Variants in ADH1B observed in about 807,000 individuals in gnomAD.
ADH1B encodes alcohol dehydrogenase 1B (class I), beta polypeptide, also known as all-trans-retinol dehydrogenase [NAD(+)] ADH1B.
In ADH1B, 29 loss-of-function variants were observed where a neutral mutation model predicts 34.6. That is an observed-to-expected ratio of 0.84 (90% CI 0.62 to 1.14). ADH1B has a LOEUF of 1.14. ADH1B is among the 50% of genes most tolerant of loss of function. The pLI is 0.00. For synonymous variants in ADH1B, 170 were observed against 175.5 expected, an observed-to-expected ratio of 0.97 and a Z score of 0.25; for missense variants, 424 against 468.4, an observed-to-expected ratio of 0.91 and a Z score of 0.87.
intron 8 of ADH1B, among the ~76,000 whole-genome samples, chr4:99,309,782 C>G (rs527847171): frequency 6.6e-6 from 1 of 152,220 alleles, no homozygotes; most frequent in East Asian, 1.9e-4. Context: ...GTCTCAGTTT[C>G]TGTTCTCTAA....
At chr4:99,316,799 A>AAAG (rs1733896841) in intron 3 of ADH1B, 1 of 152,022 alleles carries the variant, frequency 6.6e-6, no homozygotes, top group Non-Finnish European at 1.5e-5. Context: ...CAAAGTGACT[A>AAAG]TGCTTATCTT....
intron 1 of ADH1B, chr4:99,320,746 A>T (rs972814662): frequency 1.9e-5 from 20 of 1,079,256 alleles, no homozygotes; most frequent in Non-Finnish European, 2.0e-5. Context: ...ATTGTATCAT[A>T]ATGGACCCCT....
At chr4:99,316,995 A>G (rs1157717963) in intron 3 of ADH1B, 3 of 152,182 alleles carry the variant, frequency 2.0e-5, no homozygotes, top group South Asian at 2.1e-4. Flanking sequence ...CGAATTATCT[A>G]CTTTTCCTGT....
intron 5 of ADH1B, 150 bp downstream of exon 5, chr4:99,315,748 G>C: frequency 1.2e-6 from 1 of 866,674 alleles, no homozygotes. Context: ...TTTCTAGCAT[G>C]TGTACTCAAT....
At position 99,321,377 on chromosome 4, in the gene ADH1B, G is replaced by A; in HGVS notation, c.-46C>T. Reference sequence around the variant, plus strand: ...CCACCAGCAGACTGTGAGTCTTTGTGGATTTCTTCTCTGCTTGAGTGCATA... The same window carrying A: ...CCACCAGCAGACTGTGAGTCTTTGTAGATTTCTTCTCTGCTTGAGTGCATA... On this transcript the variant is annotated 5_prime_UTR_variant, in exon 1 of 9. Coordinates refer to ENST00000305046, the MANE Select transcript of ADH1B (RefSeq NM_000668.6). 2 of 1,601,158 alleles carry A rather than the reference G, an allele frequency of 1.2e-6. No homozygotes were observed. Among genetic ancestry groups the A allele is most frequent in the Non-Finnish European group, 1.7e-6 (2 of 1,170,274 alleles).
At position 99,313,996 on chromosome 4, in the gene ADH1B, G is replaced by T; in HGVS notation, c.653C>A (p.Ala218Asp). The T allele has an allele frequency of 6.2e-7, 1 of 1,614,126 alleles. No homozygotes were observed. Among genetic ancestry groups the T allele is most frequent in the Non-Finnish European group, 8.5e-7 (1 of 1,180,024 alleles). Reference protein sequence around the residue: ...AVMGCKAAGAARIIAVDINKD... With the variant: ...AVMGCKAAGADRIIAVDINKD... ...GTTGATGTCCACCGCAATGATTCTGGCTGCTCCAGCTGCTTTACAGCCCAT... is the reference window on the plus strand; with the variant it reads ...GTTGATGTCCACCGCAATGATTCTGTCTGCTCCAGCTGCTTTACAGCCCAT... The change falls in exon 6 of 9, where the codon GCC (alanine) becomes GAC (aspartate). Residue 218 changes from alanine to aspartate, a missense_variant. Physicochemically the swap from Ala to Asp is moderately radical, Grantham distance 126. Coordinates refer to ENST00000305046, the MANE Select transcript of ADH1B (RefSeq NM_000668.6).
At chr4:99,315,723 A>G in intron 5 of ADH1B, 175 bp downstream of exon 5, 1 of 742,498 alleles carries the variant, frequency 1.3e-6, no homozygotes, top group Non-Finnish European at 2.2e-6. Flanking sequence ...TTTTATCTGC[A>G]ATAAATTGGT....
At chr4:99,308,962 TATA>T (rs1353659046) in intron 8 of ADH1B, among the ~76,000 whole-genome samples, 1 of 151,758 alleles carries the variant, frequency 6.6e-6, no homozygotes, top group African/African-American at 2.4e-5. Flanking sequence ...AAACTTAAAG[TATA>T]ATAATAATAA....
At chr4:99,320,829 T>C in intron 1 of ADH1B, 3 of 1,226,238 alleles carry the variant, frequency 2.4e-6, no homozygotes, top group African/African-American at 1.6e-5. Context: ...AATGAGTATT[T>C]TGTAAGATAT....
At chr4:99,319,509 G>C (rs568064866) in intron 1 of ADH1B, 2 of 159,036 alleles carry the variant, frequency 1.3e-5, no homozygotes, top group African/African-American at 4.8e-5. Flanking sequence ...TATGTGTAGA[G>C]ACTTCTTTCA....
At chr4:99,314,415 C>G (rs1413140548) in intron 5 of ADH1B, 2 of 301,378 alleles carry the variant, frequency 6.6e-6, no homozygotes, top group African/African-American at 4.3e-5. Context: ...AGGCTGGGAA[C>G]CAGGGGACTG....
At chr4:99,309,575 A>G (rs957678537) in intron 8 of ADH1B, among the ~76,000 whole-genome samples, 3 of 152,276 alleles carry the variant, frequency 2.0e-5, no homozygotes, top group East Asian at 3.9e-4. Flanking sequence ...TGATGATCCC[A>G]ATGATGATGT....
rs1733882340 is a variant in ADH1B at position 99,316,239 on chromosome 4, T to G, written c.323A>C (p.Glu108Ala). 6.2e-7 allele frequency: 1 copy of G among 1,614,102 alleles called. No homozygotes were observed. Among genetic ancestry groups the G allele is most frequent in the South Asian group, 1.1e-5 (1 of 91,090 alleles). Residue 108 changes from glutamate (E) to alanine (A), a missense_variant, in exon 4 of 9, where the codon GAG becomes GCG. Around this residue, in one of 3 missense-constraint regions of ADH1B, gnomAD observed 291 missense variants for 300.4 expected, o/e 0.97. Transcript: ENST00000305046. ...CTCATTTTTCAAGCAGTAGTTGCTC[T>G]CCGGGTTTTTACAAACTCTGCATTT... ...CGKCRVCKNPESNYCLKNDLG... is the reference protein window; with the variant it reads ...CGKCRVCKNPASNYCLKNDLG...
rs1474545661 is a variant in ADH1B at position 99,306,807 on chromosome 4, G to A, written c.*1033C>T. ...CATGGTAGTTAATAGAAAAGTTCTA[G>A]ATTGAAAACAATTTTGCAAAAATAT... On this transcript the variant is annotated 3_prime_UTR_variant, in exon 9 of 9. Coordinates refer to ENST00000305046, the MANE Select transcript of ADH1B (RefSeq NM_000668.6). 6.6e-6 allele frequency: 1 copy of A among 152,140 alleles called. No homozygotes were observed. Among genetic ancestry groups the A allele is most frequent in the Admixed American group, 6.6e-5 (1 of 15,262 alleles). The allele number at this position is 152,140 out of a possible 1,614,324, so 9.4% of individuals were successfully genotyped here. A position where few individuals can be genotyped will look rare whatever the true frequency, so the allele number is the denominator to read the frequency against.
At chr4:99,316,830 T>TA (rs1733897536) in intron 3 of ADH1B, 1 of 148,508 alleles carries the variant, frequency 6.7e-6, no homozygotes, top group Admixed American at 6.7e-5. Flanking sequence ...ATGAATGCTT[T>TA]AAAAAATCCT....
intron 6 of ADH1B, 45 bp downstream of exon 6, chr4:99,313,776 C>G: frequency 6.2e-7 from 1 of 1,613,952 alleles, no homozygotes; most frequent in Non-Finnish European, 8.5e-7. Context: ...AATGCATCTT[C>G]CAGGTTGCAG....
chr4:99,317,457 G>T (rs1283043862), intron 3 of ADH1B: 1 of 152,162 alleles, frequency 6.6e-6, no homozygotes. Flanking sequence ...GTTGATGGTG[G>T]GATGGTTCCT....
At chr4:99,316,482 T>C in intron 3 of ADH1B, 180 bp from the exon 4 acceptor site, 1 of 733,208 alleles carries the variant, frequency 1.4e-6, no homozygotes, top group African/African-American at 1.8e-5. Context: ...AGTTTGAGTT[T>C]ATAAGTGCCT....
rs1579504425 is a variant in ADH1B, at chr4:99,305,078, G to A, written c.*2762C>T. 1 of 150,472 alleles carries A rather than the reference G, an allele frequency of 6.6e-6. No individual in the cohort carries two copies. The highest frequency in any genetic ancestry group is 2.1e-4 in the South Asian group (1 of 4,760). The allele number at this position is 150,472 out of a possible 1,614,324, so 9.3% of individuals were successfully genotyped here. A position where few individuals can be genotyped will look rare whatever the true frequency, so the allele number is the denominator to read the frequency against. On this transcript the variant is annotated 3_prime_UTR_variant, in exon 9 of 9. Transcript: ENST00000305046. ...TCCTCTTCCACGAATTTCCATCATT[G>A]TTCATTTTCCTCTTTGGTTGTCTAT...
Sources: allele counts gnomAD v4.1 joint callset (sites outside exome capture counted in the v4.1 genomes callset), GRCh38; gene constraint gnomAD v4.1.1; regional missense constraint gnomAD v4.1.1; transcripts MANE v1.5; gene names NCBI Gene and HGNC (gene_info 2026-07-23, HGNC 2026-07-21).